ENTPD2: variants seen among roughly 807,000 people sequenced by gnomAD.
ENTPD2 encodes CD39 antigen-like 1.
ENTPD2 carries 48 observed loss-of-function variants against 46.8 expected under a neutral mutation model. That is an observed-to-expected ratio of 1.03 (90% CI 0.81 to 1.30). The LOEUF (loss-of-function observed/expected upper bound fraction) is 1.30, where lower values mean the gene tolerates loss of function less well. Among genes scored for constraint, ENTPD2 ranks in the 50% most tolerant of loss-of-function variants. ENTPD2 has a pLI of 0.00. For synonymous variants in ENTPD2, 316 were observed against 286.1 expected, an observed-to-expected ratio of 1.10 and a Z score of -1.06; for missense variants, 707 against 651.1, an observed-to-expected ratio of 1.09 and a Z score of -0.93.
Position 137,048,947 on chromosome 9 carries a change from C to A in ENTPD2, c.1278G>T (p.Gln426His), listed in dbSNP as rs1458862199. ...CCGCCCCGCCCCAGCCCACCTTCTT[C>A]TGGAAGATCACGCCGCCGAAGGCGC... is the stretch of plus-strand genomic sequence containing the variant. Reference protein sequence around the residue: ...DERAFGGVIFQKKAADTAVGW... With the variant: ...DERAFGGVIFHKKAADTAVGW... The change falls in exon 8 of 9, where the codon CAG becomes CAT. Residue 426 changes from glutamine to histidine, a missense_variant. Physicochemically the swap from Gln to His is conservative, Grantham distance 24 (BLOSUM62 0). Transcript: ENST00000355097. The A allele has an allele frequency of 7.2e-7, 1 of 1,385,758 alleles. No individual in the cohort carries two copies. 85.8% of individuals were successfully genotyped at this position (1,385,758 alleles called of 1,614,324 possible). A position where few individuals can be genotyped will look rare whatever the true frequency, so the allele number is the denominator to read the frequency against.
rs535221430 is a variant in ENTPD2 at position 137,050,890 on chromosome 9, G to T, written c.774+12C>A. 6.2e-6 allele frequency: 10 copies of T among 1,608,596 alleles called. No individual in the cohort carries two copies. The East Asian group carries it at 2.2e-4, about 36-fold the overall frequency. ...AACAGTGCAGTGCAGGTGAGCCAGG[G>T]TGGAGGGGCACCTGGAGGGCGCTGG... On this transcript the variant is annotated intron_variant, in intron 5 of 8. Transcript: ENST00000355097.
intron 2 of ENTPD2, among the ~76,000 whole-genome samples, chr9:137,051,972 C>T (rs1832307549): frequency 6.6e-6 from 1 of 152,184 alleles, no homozygotes; most frequent in East Asian, 1.9e-4. Flanking sequence ...CCTCCTGCTC[C>T]ATCTGGGGCA....
At chr9:137,053,271 G>A (rs1832338329) in intron 1 of ENTPD2, 1 of 152,392 alleles carries the variant, frequency 6.6e-6, no homozygotes, top group African/African-American at 2.4e-5. Context: ...AAGGGTTAAA[G>A]GGGCCGACCA....
intron 1 of ENTPD2, 96 bp downstream of exon 1, chr9:137,053,785 G>A (rs906615012): frequency 1.4e-5 from 12 of 831,580 alleles, no homozygotes; most frequent in East Asian, 3.6e-5. Flanking sequence ...TGGGGGTCCC[G>A]GGCTGATCCT....
In ENTPD2 at chr9:137,048,976, C is replaced by G. The variant is rs756748898; in HGVS notation, c.1249G>C (p.Glu417Gln). 1.2e-5 allele frequency: 19 copies of G among 1,536,120 alleles called. 1 individual carries two copies. The South Asian group carries it at 2.1e-4, about 17-fold the overall frequency. The change falls in exon 8 of 9, where the codon GAG (glutamate) becomes CAG (glutamine). Residue 417 changes from glutamate (E) to glutamine (Q), a missense_variant. Glu to Gln is a conservative substitution (Grantham distance 29, BLOSUM62 2). Transcript: ENST00000355097. ...AAGATCACGCCGCCGAAGGCGCGCT[C>G]GTCGAAGCCGTAGCCGCGACTCAGC... is the stretch of plus-strand genomic sequence containing the variant. ...QLLSRGYGFD[E>Q]RAFGGVIFQK...
Position 137,052,356 on chromosome 9 carries a change from G to A in ENTPD2, c.118-8C>T, listed in dbSNP as rs1832315732. On this transcript the variant is annotated splice_polypyrimidine_tract_variant and splice_region_variant and intron_variant, in intron 1 of 8. Transcript: ENST00000355097. ...GTCCAGGACGATGCCATACTGCGGG[G>A]GAGGGGGAGGGAGTCAGCCTGGGGT... 5.6e-6 allele frequency: 8 copies of A among 1,421,504 alleles called. No individual in the cohort carries two copies. The highest frequency in any genetic ancestry group is 7.9e-6 in the Non-Finnish European group (8 of 1,009,820). 88.1% of individuals were successfully genotyped at this position (1,421,504 alleles called of 1,614,324 possible). A position where few individuals can be genotyped will look rare whatever the true frequency, so the allele number is the denominator to read the frequency against.
At chr9:137,050,031 T>G (rs1832230347) in intron 6 of ENTPD2, 42 bp from the exon 7 acceptor site, 1 of 1,584,516 alleles carries the variant, frequency 6.3e-7, no homozygotes, top group Non-Finnish European at 8.6e-7. Flanking sequence ...CCCCAGCGGC[T>G]CAGAGCACCT....
Position 137,053,999 on chromosome 9 carries a change from G to T in ENTPD2, c.-2C>A. 8.3e-7 allele frequency: 1 copy of T among 1,202,662 alleles called. No individual in the cohort carries two copies. The highest frequency in any genetic ancestry group is 4.4e-5 in the Admixed American group (1 of 22,982). 74.5% of individuals were successfully genotyped at this position (1,202,662 alleles called of 1,614,324 possible). A position where few individuals can be genotyped will look rare whatever the true frequency, so the allele number is the denominator to read the frequency against. On this transcript the variant is annotated 5_prime_UTR_variant, in exon 1 of 9. Coordinates refer to ENST00000355097, the MANE Select transcript of ENTPD2 (RefSeq NM_203468.3). ...CAGTGACCGCACCTTCCCGGCCATG[G>T]GCGGGCGGGCGCGCGGGAGGACGAT...
Position 137,050,901 on chromosome 9 carries a change from C to G in ENTPD2, c.774+1G>C. 1 of 1,610,172 alleles carries G rather than the reference C, an allele frequency of 6.2e-7. No homozygotes were observed. Among genetic ancestry groups the G allele is most frequent in the Non-Finnish European group, 8.5e-7 (1 of 1,179,898 alleles). On this transcript the variant is annotated splice_donor_variant, in intron 5 of 8. Transcript: ENST00000355097. LOFTEE classifies it high-confidence loss of function. ...GCAGGTGAGCCAGGGTGGAGGGGCA[C>G]CTGGAGGGCGCTGGCCAGCAGCCTC...
Position 137,051,124 on chromosome 9 carries a change from G to T in ENTPD2, c.552C>A (p.Gly184=), listed in dbSNP as rs763674017. Reference sequence around the variant, plus strand: ...GTGGCCGGAACCACCGGCCCACCCAGCCGTACTGTGGAGAGGGGAGTGTGG... The same window carrying T: ...GTGGCCGGAACCACCGGCCCACCCATCCGTACTGTGGAGAGGGGAGTGTGG... ...NYLLENFIKY[G]WVGRWFRPRK... is the part of the protein sequence containing the mutation. Residue 184 remains glycine, a synonymous_variant, in exon 5 of 9, where the codon GGC becomes GGA. Transcript: ENST00000355097. 6.2e-7 allele frequency: 1 copy of T among 1,612,844 alleles called. No homozygotes were observed. The highest frequency in any genetic ancestry group is 8.5e-7 in the Non-Finnish European group (1 of 1,179,994).
intron 7 of ENTPD2, chr9:137,049,554 C>G (rs1832217690): frequency 2.3e-6 from 1 of 442,306 alleles, no homozygotes; most frequent in Admixed American, 4.1e-5. Flanking sequence ...TCCCGGTGCC[C>G]AGACCCACTT....
chr9:137,049,505 C>T, intron 7 of ENTPD2: 1 of 437,150 alleles, frequency 2.3e-6, no homozygotes. Context: ...GGTCCTGGGA[C>T]GACTCGTACG....
chr9:137,051,551 T>C lies in ENTPD2; in HGVS notation c.345A>G (p.Thr115=). ...CCGCTGTGGCTCCCAGGTAGAGGGGTGTGCCCGCGTGTCTCTCTTTGGGCA... is the reference window on the plus strand; with the variant it reads ...CCGCTGTGGCTCCCAGGTAGAGGGGCGTGCCCGCGTGTCTCTCTTTGGGCA... ...QDVPKERHAG[T]PLYLGATAGM... is the part of the protein sequence containing the mutation. Residue 115 remains threonine (T), a synonymous_variant, in exon 3 of 9, where the codon ACA becomes ACG. Coordinates refer to ENST00000355097, the MANE Select transcript of ENTPD2 (RefSeq NM_203468.3). 6.2e-7 allele frequency: 1 copy of C among 1,611,454 alleles called. No individual in the cohort carries two copies. Among genetic ancestry groups the C allele is most frequent in the Non-Finnish European group, 8.5e-7 (1 of 1,179,286 alleles).
Position 137,048,761 on chromosome 9 carries a change from T to A in ENTPD2, c.1384A>T (p.Ser462Cys). The A allele has an allele frequency of 6.2e-7, 1 of 1,601,666 alleles. No homozygotes were observed. The highest frequency in any genetic ancestry group is 1.3e-5 in the African/African-American group (1 of 74,846). Residue 462 changes from serine (S) to cysteine (C), a missense_variant, in exon 9 of 9, where the codon AGC becomes TGC. Coordinates refer to ENST00000355097, the MANE Select transcript of ENTPD2 (RefSeq NM_203468.3). ...PPGLRKGTDF[S>C]SWVVLLLLFA... ...AGCAGCAGGAGGACGACCCAGGAGC[T>A]GAAGTCTGTGCCCTTGCGCAGCCCC...
chr9:137,049,261 A>C, intron 7 of ENTPD2, 186 bp from the exon 8 acceptor site: 1 of 1,012,096 alleles, frequency 9.9e-7, no homozygotes, highest in Non-Finnish European at 1.5e-6. Flanking sequence ...CCGGCAGGGC[A>C]CGCTTCCATC....
Position 137,051,545 on chromosome 9 carries a change from G to A in ENTPD2, c.351C>T (p.Leu117=), listed in dbSNP as rs1832298006. 6.2e-7 allele frequency: 1 copy of A among 1,611,110 alleles called. No homozygotes were observed. The highest frequency in any genetic ancestry group is 1.1e-5 in the South Asian group (1 of 90,870). ...GCATACCCGCTGTGGCTCCCAGGTA[G>A]AGGGGTGTGCCCGCGTGTCTCTCTT... ...VPKERHAGTP[L]YLGATAGMRL... Residue 117 remains leucine (L), a synonymous_variant, in exon 3 of 9, where the codon CTC becomes CTT. Coordinates refer to ENST00000355097, the MANE Select transcript of ENTPD2 (RefSeq NM_203468.3).
In ENTPD2 at chr9:137,048,289, CG is replaced by C. The variant is rs1055207298; in HGVS notation, c.*367del. ...GCCCTGAGGAGGAGGAGGAGGAGCA[CG>C]GGGCCTGCAGTGATGCCCAGGCTGA... On this transcript the variant is annotated 3_prime_UTR_variant, in exon 9 of 9. Transcript: ENST00000355097. 6 of 205,722 alleles carry C rather than the reference CG, an allele frequency of 2.9e-5. No individual in the cohort carries two copies. Among genetic ancestry groups the C allele is most frequent in the African/African-American group, 1.4e-4 (6 of 42,374 alleles). The allele number at this position is 205,722 out of a possible 1,614,324, so 12.7% of individuals were successfully genotyped here. A position where few individuals can be genotyped will look rare whatever the true frequency, so the allele number is the denominator to read the frequency against.
chr9:137,052,460 T>A, intron 1 of ENTPD2, 112 bp from the exon 2 acceptor site: 1 of 829,998 alleles, frequency 1.2e-6, no homozygotes, highest in Middle Eastern at 3.0e-4. Context: ...CCCCACCCAG[T>A]CATGTGCCAA....
chr9:137,048,913 GGCCCC>G lies in ENTPD2; in HGVS notation c.1284+23_1284+27del, dbSNP rs753237383. The G allele has an allele frequency of 5.8e-5, 86 of 1,477,792 alleles. No individual in the cohort carries two copies. The Middle Eastern group carries it at 9.5e-4, about 16-fold the overall frequency. 91.5% of individuals were successfully genotyped at this position (1,477,792 alleles called of 1,614,324 possible). On this transcript the variant is annotated intron_variant, in intron 8 of 8. Coordinates refer to ENST00000355097, the MANE Select transcript of ENTPD2 (RefSeq NM_203468.3). ...CCGAGAGGCCCCGCCCCGCAAGGTC[GGCCCC>G]GCCCCGCCCCGCCCCAGCCCACCTT... is the stretch of plus-strand genomic sequence containing the variant.
Sources: gnomAD v4.1 joint callset for allele counts (sites outside exome capture counted in the v4.1 genomes callset) on GRCh38, gnomAD v4.1.1 for gene constraint, MANE v1.5 for transcripts, NCBI Gene and HGNC (gene_info 2026-07-23, HGNC 2026-07-21) for gene names.